Variants in DNAI4 observed in about 807,000 individuals in gnomAD.
DNAI4 encodes the protein WD repeat domain 78.
Under a neutral mutation model 105.8 loss-of-function variants are expected in DNAI4, and 85 were observed. The ratio of observed to expected loss-of-function variants is 0.80; its 90% CI spans 0.67 to 0.96. DNAI4 has a LOEUF of 0.96. Among genes scored for constraint, DNAI4 ranks in the 40% least tolerant of loss-of-function variants. The pLI, the probability that DNAI4 is intolerant of heterozygous loss-of-function variation, is 0.00. For synonymous variants in DNAI4, 352 were observed against 331.5 expected (o/e 1.06, Z -0.67); for missense variants, 1,014 against 1,005.6 (o/e 1.01, Z -0.11).
Position 66,912,539 on chromosome 1 carries a change from C to A in DNAI4, c.171-7164G>T, listed in dbSNP as rs1649739172. 2.0e-5 allele frequency among the ~76,000 whole-genome samples: 3 copies of A among 152,102 alleles called. No individual in the cohort carries two copies. In the South Asian group the frequency reaches 6.2e-4, roughly 31 times the overall value. On this transcript the variant is annotated intron_variant, in intron 1 of 16. Coordinates refer to ENST00000371026, the MANE Select transcript of DNAI4 (RefSeq NM_024763.5). ...CCTACCTGTGACCTGGAAGCCTTCT[C>A]TCTGCTTCAAGTTGTTCCACCTTTC... is the stretch of plus-strand genomic sequence containing the variant.
intron 1 of DNAI4, among the ~76,000 whole-genome samples, chr1:66,916,893 T>TG (rs1650111856): frequency 6.6e-6 from 1 of 152,060 alleles, no homozygotes; most frequent in Non-Finnish European, 1.5e-5. Flanking sequence ...TTTTGCCTTT[T>TG]TTTTTTAATT....
rs1180624246 is a variant in DNAI4, at chr1:66,905,094, A to G, written c.345+107T>C. On this transcript the variant is annotated intron_variant, in intron 2 of 16. Coordinates refer to ENST00000371026, the MANE Select transcript of DNAI4 (RefSeq NM_024763.5). The stretch of plus-strand genomic sequence containing the variant: ...AAAAATTAACAAAATCAGTATTTCA[A>G]AATTATGAGTGATTATCTGAAAGCA... 4 of 937,702 alleles carry G rather than the reference A, an allele frequency of 4.3e-6. No individual in the cohort carries two copies. The East Asian group carries it at 1.1e-4, about 26-fold the overall frequency. The allele number at this position is 937,702 out of a possible 1,614,324, so 58.1% of individuals were successfully genotyped here. A position where few individuals can be genotyped will look rare whatever the true frequency, so the allele number is the denominator to read the frequency against.
In DNAI4 at chr1:66,837,958, C is replaced by A. The variant is rs925811983; in HGVS notation, c.1495-162G>T. Reference sequence around the variant, plus strand: ...CACCATCTGTTTTTACTCTATACCTCCATATTCCTAAGCAAAAAAGTTAAT... The same window carrying A: ...CACCATCTGTTTTTACTCTATACCTACATATTCCTAAGCAAAAAAGTTAAT... On this transcript the variant is annotated intron_variant, in intron 9 of 16. Coordinates refer to ENST00000371026, the MANE Select transcript of DNAI4 (RefSeq NM_024763.5). Among the ~76,000 whole-genome samples the A allele has an allele frequency of 6.6e-6, 1 of 152,122 alleles. No homozygotes were observed. Among genetic ancestry groups the A allele is most frequent in the Non-Finnish European group, 1.5e-5 (1 of 67,998 alleles).
At chr1:66,909,285 T>TACACAAACAC (rs1553231232) in intron 1 of DNAI4, among the ~76,000 whole-genome samples, 1 of 134,466 alleles carries the variant, frequency 7.4e-6, no homozygotes, top group Non-Finnish European at 1.6e-5. Flanking sequence ...CACCTCTCTC[T>TACACAAACAC]ACACACACAC....
In DNAI4 at chr1:66,890,881, A is replaced by T; in HGVS notation, c.643+273T>A. The T allele has an allele frequency of 2.1e-6, 1 of 476,438 alleles. No individual in the cohort carries two copies. The highest frequency in any genetic ancestry group is 3.8e-6 in the Non-Finnish European group (1 of 266,446). 29.5% of individuals were successfully genotyped at this position (476,438 alleles called of 1,614,324 possible). Reference sequence around the variant, plus strand: ...AAGAGGAAGAGGAAGAAGAAGAAGAAGAAGCAGAAGCAGCAGCAGCAACAG... The same window carrying T: ...AAGAGGAAGAGGAAGAAGAAGAAGATGAAGCAGAAGCAGCAGCAGCAACAG... On this transcript the variant is annotated intron_variant, in intron 4 of 16. Coordinates refer to ENST00000371026, the MANE Select transcript of DNAI4 (RefSeq NM_024763.5). The surrounding 1 kb of genome is among the most constrained non-coding windows in gnomAD (Gnocchi z 4.1).
At chr1:66,878,090 C>T (rs1158551035) in intron 4 of DNAI4, among the ~76,000 whole-genome samples, 1 of 152,066 alleles carries the variant, frequency 6.6e-6, no homozygotes, top group Admixed American at 6.6e-5. Context: ...TTAAGATCCA[C>T]CTTCTTGAGG....
In DNAI4 at chr1:66,924,758, C is replaced by G. The variant is rs1651041430; in HGVS notation, c.74G>C (p.Arg25Thr). 1 of 1,614,180 alleles carries G rather than the reference C, an allele frequency of 6.2e-7. No homozygotes were observed. Among genetic ancestry groups the G allele is most frequent in the African/African-American group, 1.3e-5 (1 of 75,054 alleles). ...NGGAWGYRDF[R>T]GGQKKGWCTT... ...GCACCACCCCTTTTTTTGGCCGCCTCTGAAGTCCCTGTACCCCCAAGCTCC... is the reference window on the plus strand; with the variant it reads ...GCACCACCCCTTTTTTTGGCCGCCTGTGAAGTCCCTGTACCCCCAAGCTCC... The change falls in exon 1 of 17, where the codon AGA (arginine) becomes ACA (threonine). Residue 25 changes from arginine to threonine, a missense_variant. By Grantham distance (71) the Arg-to-Thr change is moderately conservative. Transcript: ENST00000371026.
chr1:66,883,609 A>G (rs570913480), intron 4 of DNAI4, among the ~76,000 whole-genome samples: 1 of 152,258 alleles, frequency 6.6e-6, no homozygotes, highest in South Asian at 2.1e-4. Context: ...CTTTTTTAAA[A>G]AGTAAGCCTA....
rs2985803 is a variant in DNAI4, at chr1:66,886,608, C to A, written c.643+4546G>T. Among the ~76,000 whole-genome samples, 1,214 of 152,216 alleles carry A rather than the reference C, an allele frequency of 8.0e-3. 15 individuals carry two copies. Among genetic ancestry groups the A allele is most frequent in the African/African-American group, 0.028 (1,167 of 41,532 alleles). On this transcript the variant is annotated intron_variant, in intron 4 of 16. Coordinates refer to ENST00000371026, the MANE Select transcript of DNAI4 (RefSeq NM_024763.5). Reference sequence around the variant, plus strand: ...TAGAGAAAGCCTATGTCTTGCAATTCTTTCATCTGCAATCCAGTATTGTTA... The same window carrying A: ...TAGAGAAAGCCTATGTCTTGCAATTATTTCATCTGCAATCCAGTATTGTTA...
At chr1:66,895,018 T>A (rs1648192442) in intron 2 of DNAI4, among the ~76,000 whole-genome samples, 1 of 152,132 alleles carries the variant, frequency 6.6e-6, no homozygotes, top group African/African-American at 2.4e-5. Context: ...AATATTGACT[T>A]TTGCTCTGCA....
rs760796484 is a variant in DNAI4 at position 66,871,394 on chromosome 1, C to A, written c.916G>T (p.Asp306Tyr). ...CCTTTATCTTCCATTATGATTTTAT[C>A]ACATTGAACATCTTTATTCTTTGGT... ...GAPKNKDVQC[D>Y]KIIMEDKGIM... The change falls in exon 6 of 17, where the codon GAT (aspartate) becomes TAT (tyrosine). Residue 306 changes from aspartate (D) to tyrosine (Y), a missense_variant. Coordinates refer to ENST00000371026, the MANE Select transcript of DNAI4 (RefSeq NM_024763.5). The A allele has an allele frequency of 6.2e-7, 1 of 1,608,812 alleles. No individual in the cohort carries two copies. The highest frequency in any genetic ancestry group is 8.5e-7 in the Non-Finnish European group (1 of 1,177,350).
chr1:66,836,198 AAGAAAGAAAGAG>A (rs1284129993), intron 10 of DNAI4, among the ~76,000 whole-genome samples: 5,668 of 62,990 alleles, frequency 0.09, 341 homozygotes, highest in Non-Finnish European at 0.11. Context: ...GAAAGAAAGA[AAGAAAGAAAGAG>A]AGAGAGAGAG....
chr1:66,834,680 T>A (rs991157111), intron 11 of DNAI4, among the ~76,000 whole-genome samples: 1 of 152,122 alleles, frequency 6.6e-6, no homozygotes, highest in Non-Finnish European at 1.5e-5. Context: ...TCTGAAAAAT[T>A]AAACTCACTT....
chr1:66,827,038 C>T lies in DNAI4; in HGVS notation c.2121G>A (p.Val707=). The part of the protein sequence containing the change: ...LDTYRGHKGP[V]YKVTWNPFCH... ...AAAATGGATTCCATGTCACTTTATA[C>T]ACTGGACCCTAGAAATAAAAAAAAA... is the stretch of plus-strand genomic sequence containing the variant. The change falls in exon 15 of 17, where the codon GTG becomes GTA. Residue 707 remains valine, a synonymous_variant. Coordinates refer to ENST00000371026, the MANE Select transcript of DNAI4 (RefSeq NM_024763.5). The T allele has an allele frequency of 6.2e-7, 1 of 1,609,098 alleles. No homozygotes were observed. Among genetic ancestry groups the T allele is most frequent in the Non-Finnish European group, 8.5e-7 (1 of 1,178,554 alleles).
chr1:66,892,984 A>AGAG (rs1647837583), intron 3 of DNAI4, among the ~76,000 whole-genome samples: 2 of 132,838 alleles, frequency 1.5e-5, no homozygotes, highest in Non-Finnish European at 3.2e-5. Flanking sequence ...AAAGAAAGAA[A>AGAG]GAAAGAAAGA....
intron 2 of DNAI4, among the ~76,000 whole-genome samples, chr1:66,894,328 C>T (rs372907778): frequency 1.4e-4 from 22 of 152,098 alleles, no homozygotes; most frequent in East Asian, 9.7e-4. Context: ...TTTTGATTTC[C>T]GTTTGGAGGG....
At chr1:66,836,452 C>CA (rs1283992421) in intron 10 of DNAI4, among the ~76,000 whole-genome samples, 7 of 152,002 alleles carry the variant, frequency 4.6e-5, no homozygotes, top group Admixed American at 3.3e-4. Flanking sequence ...CTTATGGGAA[C>CA]AAAAAACTAA....
At chr1:66,831,455 T>C (rs1401073596) in intron 13 of DNAI4, among the ~76,000 whole-genome samples, 1 of 152,190 alleles carries the variant, frequency 6.6e-6, no homozygotes, top group Non-Finnish European at 1.5e-5. Context: ...AAATAAAGTT[T>C]ATTCCAGGGA....
Position 66,837,242 on chromosome 1 carries a change from T to C in DNAI4, c.1581+468A>G, listed in dbSNP as rs951622780. Among the ~76,000 whole-genome samples, 3 of 151,608 alleles carry C rather than the reference T, an allele frequency of 2.0e-5. No homozygotes were observed. In the East Asian group the frequency reaches 5.8e-4, roughly 29 times the overall value. On this transcript the variant is annotated intron_variant, in intron 10 of 16. Transcript: ENST00000371026. Reference sequence around the variant, plus strand: ...AGCTGGGTATGGTGGTGTGCACCTGTAGTCCCAGCTACTCGGGAGGCTGAG... The same window carrying C: ...AGCTGGGTATGGTGGTGTGCACCTGCAGTCCCAGCTACTCGGGAGGCTGAG...
Sources: allele counts gnomAD v4.1 joint callset (sites outside exome capture counted in the v4.1 genomes callset), GRCh38; gene constraint gnomAD v4.1.1; non-coding constraint Gnocchi (gnomAD v3.1); transcripts MANE v1.5; gene names NCBI Gene and HGNC (gene_info 2026-07-23, HGNC 2026-07-21).